MSRA: variants seen among roughly 807,000 people sequenced by gnomAD.
MSRA encodes the protein methionine sulfoxide reductase A.
A neutral mutation model predicts 31.3 loss-of-function variants in MSRA; 54 were observed. The observed-to-expected ratio is 1.73, with a 90% CI of 1.39 to 2.17. The LOEUF (loss-of-function observed/expected upper bound fraction) is 2.17. Ranked by LOEUF, MSRA falls within the 30% of genes most tolerant of loss-of-function variation. The probability of loss-of-function intolerance (pLI) is 0.00; values close to 1 mark genes in which losing one functional copy is unlikely to be tolerated. For missense variants in MSRA, 507 were observed against 300.9 expected, an observed-to-expected ratio of 1.69 and a Z score of -5.07; for synonymous variants, 169 against 116.5, an observed-to-expected ratio of 1.45 and a Z score of -2.90.
intron 1 of MSRA, among the ~76,000 whole-genome samples, chr8:10,152,149 C>T (rs1431610811): frequency 6.6e-6 from 1 of 152,110 alleles, no homozygotes; most frequent in Non-Finnish European, 1.5e-5. Flanking sequence ...TGGAAAATCC[C>T]CTTGAAAAAT....
chr8:10,283,160 A>ACACACACACACACACTCTCTCTCTCTCT, intron 3 of MSRA, among the ~76,000 whole-genome samples: 95 of 140,316 alleles, frequency 6.8e-4, no homozygotes, highest in African/African-American at 2.0e-3. Context: ...ACACACACAC[A>ACACACACACACACACTCTCTCTCTCTCT]CTCTCACCCT....
intron 1 of MSRA, among the ~76,000 whole-genome samples, chr8:10,155,110 G>C (rs1203192469): frequency 6.6e-6 from 1 of 151,692 alleles, no homozygotes; most frequent in Admixed American, 6.6e-5. Context: ...CAGAGTCCTA[G>C]ATTTAAAAAG....
intron 5 of MSRA, among the ~76,000 whole-genome samples, chr8:10,364,582 T>C (rs1311093180): frequency 6.6e-6 from 1 of 152,228 alleles, no homozygotes; most frequent in Non-Finnish European, 1.5e-5. Context: ...AGAGTTCCTG[T>C]TCTAATGAGT....
intron 3 of MSRA, among the ~76,000 whole-genome samples, chr8:10,294,125 TG>T (rs537189220): frequency 9.4e-4 from 143 of 152,250 alleles, no homozygotes; most frequent in African/African-American, 3.3e-3. Flanking sequence ...TGCTTGAACC[TG>T]GGAGGTGGAG....
Position 10,142,559 on chromosome 8 carries a change from C to G in MSRA, c.143-65274C>G, listed in dbSNP as rs568682166. ...AAGGTGAAGCTCTGATTTTTCCCCT[C>G]TCCTGGAAGGAGGAATATTAAATAT... On this transcript the variant is annotated intron_variant, in intron 1 of 5. Transcript: ENST00000317173. 4.6e-5 allele frequency among the ~76,000 whole-genome samples: 7 copies of G among 152,336 alleles called. No individual in the cohort carries two copies. The South Asian group carries it at 1.0e-3, about 23-fold the overall frequency.
intron 1 of MSRA, among the ~76,000 whole-genome samples, chr8:10,153,606 G>T (rs965120066): frequency 6.6e-6 from 1 of 152,108 alleles, no homozygotes; most frequent in Non-Finnish European, 1.5e-5. Flanking sequence ...GGCAGTTAGG[G>T]ATATTGACAT....
chr8:10,087,057 T>G (rs1003644735), intron 1 of MSRA, among the ~76,000 whole-genome samples: 1 of 152,136 alleles, frequency 6.6e-6, no homozygotes, highest in African/African-American at 2.4e-5. Context: ...GACATGATTT[T>G]GGGAGATGTT....
At chr8:10,295,532 C>A (rs565506258) in intron 3 of MSRA, among the ~76,000 whole-genome samples, 3 of 152,342 alleles carry the variant, frequency 2.0e-5, no homozygotes, top group Admixed American at 2.0e-4. Context: ...CCGAGCTGCT[C>A]TTGGTTCTGA....
At chr8:10,422,586 A>G (rs1468229964) in intron 5 of MSRA, among the ~76,000 whole-genome samples, 1 of 152,192 alleles carries the variant, frequency 6.6e-6, no homozygotes, top group African/African-American at 2.4e-5. Flanking sequence ...GGTCAGCAAG[A>G]CACACACACA....
intron 1 of MSRA, among the ~76,000 whole-genome samples, chr8:10,167,150 A>G (rs546476893): frequency 6.6e-6 from 1 of 152,180 alleles, no homozygotes; most frequent in African/African-American, 2.4e-5. Flanking sequence ...CTCCCATGCC[A>G]GGAATTAAAA....
At chr8:10,189,646 A>T (rs959149326) in intron 1 of MSRA, among the ~76,000 whole-genome samples, 5 of 152,034 alleles carry the variant, frequency 3.3e-5, no homozygotes, top group South Asian at 4.1e-4. Context: ...CATTAATTGA[A>T]TTTTTTCATT....
chr8:10,302,556 T>C (rs967839954), intron 4 of MSRA, among the ~76,000 whole-genome samples: 1 of 152,246 alleles, frequency 6.6e-6, no homozygotes, highest in Non-Finnish European at 1.5e-5. Flanking sequence ...GGAATCTTCA[T>C]ATGCCTGTAG....
chr8:10,126,380 G>C (rs142751428), intron 1 of MSRA, among the ~76,000 whole-genome samples: 2,228 of 152,280 alleles, frequency 0.015, 22 homozygotes, highest in Non-Finnish European at 0.022. Context: ...CTCTAGAACA[G>C]CAGTTCCCAA....
At chr8:10,215,925 A>G (rs911808798) in intron 2 of MSRA, among the ~76,000 whole-genome samples, 1 of 152,242 alleles carries the variant, frequency 6.6e-6, no homozygotes, top group Non-Finnish European at 1.5e-5. Context: ...GAGAAAATAC[A>G]TTCAACAGGA....
At chr8:10,215,809 A>G (rs563661956) in intron 2 of MSRA, among the ~76,000 whole-genome samples, 1 of 152,322 alleles carries the variant, frequency 6.6e-6, no homozygotes, top group Non-Finnish European at 1.5e-5. Flanking sequence ...CACTTTTTGC[A>G]GTAGTGTACA....
chr8:10,391,797 G>T (rs796234423), intron 5 of MSRA, among the ~76,000 whole-genome samples: 8 of 152,324 alleles, frequency 5.3e-5, no homozygotes, highest in African/African-American at 1.9e-4. Context: ...TTTGTCCCAC[G>T]TGAAGGGCAG....
chr8:10,316,566 CTCT>C (rs1162736565), intron 4 of MSRA, among the ~76,000 whole-genome samples: 2 of 149,360 alleles, frequency 1.3e-5, no homozygotes, highest in Non-Finnish European at 1.5e-5. Flanking sequence ...CTCTCTCTCT[CTCT>C]CTCTCCTTCC....
chr8:10,257,381 G>T (rs1008960577), intron 3 of MSRA, among the ~76,000 whole-genome samples: 1 of 152,168 alleles, frequency 6.6e-6, no homozygotes, highest in African/African-American at 2.4e-5. Flanking sequence ...ATTCTACTCT[G>T]TGTGTGTCCA....
chr8:10,181,161 G>C (rs1046045171), intron 1 of MSRA, among the ~76,000 whole-genome samples: 3 of 152,168 alleles, frequency 2.0e-5, no homozygotes, highest in Non-Finnish European at 2.9e-5. Flanking sequence ...CCTGTAAGCA[G>C]ATATATTATA....
Sources: gnomAD v4.1 joint callset for allele counts (sites outside exome capture counted in the v4.1 genomes callset) on GRCh38, gnomAD v4.1.1 for gene constraint, MANE v1.5 for transcripts, NCBI Gene and HGNC (gene_info 2026-07-23, HGNC 2026-07-21) for gene names.